SPINK5: variants seen among roughly 807,000 people sequenced by gnomAD.
The protein encoded by SPINK5 is serine peptidase inhibitor Kazal type 5, also known as serine protease inhibitor Kazal-type 5.
A neutral mutation model predicts 151.8 loss-of-function variants in SPINK5; 125 were observed. The ratio of observed to expected loss-of-function variants is 0.82; its 90% CI spans 0.71 to 0.96. SPINK5 has a LOEUF of 0.96. Ranked by LOEUF, SPINK5 falls within the 40% of genes least tolerant of loss-of-function variation. The pLI, the probability that SPINK5 is intolerant of heterozygous loss-of-function variation, is 0.00. For missense variants in SPINK5, 1,194 were observed against 1,291.9 expected, an observed-to-expected ratio of 0.92 and a Z score of 1.16; for synonymous variants, 374 against 395.3, an observed-to-expected ratio of 0.95 and a Z score of 0.64.
chr5:148,111,339 A>G (rs1192280985), intron 18 of SPINK5, among the ~76,000 whole-genome samples: 1 of 152,162 alleles, frequency 6.6e-6, no homozygotes, highest in Non-Finnish European at 1.5e-5. Flanking sequence ...ATGGCAATAC[A>G]GGATAATCTC....
Position 148,107,098 on chromosome 5 carries a change from A to G in SPINK5, c.1541A>G (p.His514Arg). The change falls in exon 17 of 33, where the codon CAT becomes CGT. Residue 514 changes from histidine (H) to arginine (R), a missense_variant. Coordinates refer to ENST00000256084, the MANE Select transcript of SPINK5 (RefSeq NM_006846.4). ...RNGTLICTRE[H>R]NPVRGPDGKM... ...GGAACACTTATATGCACCAGGGAGC[A>G]TAATCCTGTCCGTGGCCCAGATGGC... The G allele has an allele frequency of 6.2e-7, 1 of 1,613,512 alleles. No homozygotes were observed. Among genetic ancestry groups the G allele is most frequent in the Non-Finnish European group, 8.5e-7 (1 of 1,179,594 alleles).
Position 148,127,018 on chromosome 5 carries a change from A to G in SPINK5, c.2903A>G (p.Glu968Gly), listed in dbSNP as rs1402324518. Residue 968 changes from glutamate to glycine, a missense_variant, in exon 30 of 33, where the codon GAA becomes GGA. Glu to Gly is a moderately conservative substitution (Grantham distance 98). Transcript: ENST00000256084. ...TEALERAKLQ[E>G]KPSHVRASQE... is the part of the protein sequence containing the mutation. ...GCTTTGGAAAGGGCAAAGCTTCAAG[A>G]AAAGCCATCCCATGTTAGAGCTTCT... The G allele has an allele frequency of 1.1e-5, 18 of 1,613,762 alleles. No individual in the cohort carries two copies. The highest frequency in any genetic ancestry group is 1.5e-5 in the Non-Finnish European group (18 of 1,179,844).
chr5:148,066,036 T>C (rs1752575693), intron 2 of SPINK5, among the ~76,000 whole-genome samples: 1 of 152,040 alleles, frequency 6.6e-6, no homozygotes, highest in African/African-American at 2.4e-5. Context: ...GGAGGTGGTA[T>C]CCATTCTCAT....
chr5:148,118,857 C>A, intron 23 of SPINK5, 129 bp from the exon 24 acceptor site: 1 of 994,268 alleles, frequency 1.0e-6, no homozygotes, highest in South Asian at 1.4e-5. Context: ...TTTGTCACGG[C>A]CATTTGGAAT....
intron 32 of SPINK5, among the ~76,000 whole-genome samples, chr5:148,136,050 T>C (rs1337974218): frequency 6.6e-6 from 1 of 152,136 alleles, no homozygotes; most frequent in African/African-American, 2.4e-5. Context: ...CTGTCACTTA[T>C]TAAAGTCCCT....
At chr5:148,133,488 C>T (rs1014071019) in intron 31 of SPINK5, among the ~76,000 whole-genome samples, 2 of 152,134 alleles carry the variant, frequency 1.3e-5, no homozygotes, top group African/African-American at 4.8e-5. Flanking sequence ...ATCTGATTCT[C>T]GCATCTATAA....
chr5:148,094,244 A>G (rs1385450560), intron 8 of SPINK5, 110 bp from the exon 9 acceptor site: 5 of 1,233,564 alleles, frequency 4.1e-6, no homozygotes, highest in Non-Finnish European at 5.8e-6. Context: ...TCACTGAGCT[A>G]TGATCATTCC....
Position 148,089,581 on chromosome 5 carries a change from A to G in SPINK5, c.562A>G (p.Lys188Glu). The G allele has an allele frequency of 6.2e-7, 1 of 1,612,090 alleles. No individual in the cohort carries two copies. The highest frequency in any genetic ancestry group is 1.7e-4 in the Middle Eastern group (1 of 6,044). ...TGATCCTGTTCTTGGTCCTGATGGG[A>G]AGACGCATGGCAATAAGTGTGCAAT... Reference protein sequence around the residue: ...ENDPVLGPDGKTHGNKCAMCA... With the variant: ...ENDPVLGPDGETHGNKCAMCA... Residue 188 changes from lysine to glutamate, a missense_variant, in exon 7 of 33, where the codon AAG (lysine) becomes GAG (glutamate). Coordinates refer to ENST00000256084, the MANE Select transcript of SPINK5 (RefSeq NM_006846.4).
chr5:148,123,342 A>ATT (rs1264685805), intron 26 of SPINK5, among the ~76,000 whole-genome samples: 39 of 146,486 alleles, frequency 2.7e-4, no homozygotes, highest in East Asian at 3.9e-4. Flanking sequence ...ACAGAACAAG[A>ATT]TTATATATAT....
chr5:148,098,562 A>G (rs1308501168), intron 11 of SPINK5, among the ~76,000 whole-genome samples: 1 of 152,046 alleles, frequency 6.6e-6, no homozygotes, highest in Admixed American at 6.6e-5. Flanking sequence ...ATTGACAACT[A>G]CATATGGTTG....
intron 26 of SPINK5, 62 bp from the exon 27 acceptor site, chr5:148,123,771 A>G: frequency 1.9e-6 from 3 of 1,608,220 alleles, no homozygotes; most frequent in Non-Finnish European, 2.6e-6. Flanking sequence ...TCGGTCAATC[A>G]TGTTATCAGG....
intron 4 of SPINK5, among the ~76,000 whole-genome samples, chr5:148,082,672 A>G (rs1396906482): frequency 7.9e-5 from 1 of 12,718 alleles, no homozygotes; most frequent in Non-Finnish European, 1.1e-4. Context: ...GCAGTGGCGC[A>G]ATCTCGGCTC....
At chr5:148,130,716 T>A (rs1022399939) in intron 30 of SPINK5, among the ~76,000 whole-genome samples, 4 of 152,158 alleles carry the variant, frequency 2.6e-5, no homozygotes, top group African/African-American at 4.8e-5. Flanking sequence ...ACATGCATTA[T>A]CTGTTTTAAT....
intron 2 of SPINK5, among the ~76,000 whole-genome samples, chr5:148,068,037 C>T (rs921064348): frequency 6.6e-6 from 1 of 152,086 alleles, no homozygotes; most frequent in African/African-American, 2.4e-5. Context: ...ATTACAAAGA[C>T]CCCAGGCTCT....
Position 148,111,849 on chromosome 5 carries a change from G to C in SPINK5, c.1774G>C (p.Asp592His), listed in dbSNP as rs760761246. Reference sequence around the variant, plus strand: ...AGAGAATGATCCTATTGAGGGTCTAGATGGGAAAATCCACGGCAACACCTG... The same window carrying C: ...AGAGAATGATCCTATTGAGGGTCTACATGGGAAAATCCACGGCAACACCTG... ...TRENDPIEGL[D>H]GKIHGNTCSM... Residue 592 changes from aspartate (D) to histidine (H), a missense_variant, in exon 19 of 33, where the codon GAT (aspartate) becomes CAT (histidine). Transcript: ENST00000256084. 31 of 1,613,954 alleles carry C rather than the reference G, an allele frequency of 1.9e-5. No individual in the cohort carries two copies. The highest frequency in any genetic ancestry group is 1.6e-4 in the Middle Eastern group (1 of 6,080).
intron 8 of SPINK5, among the ~76,000 whole-genome samples, chr5:148,093,823 CTT>C (rs931250003): frequency 5.9e-5 from 9 of 151,844 alleles, no homozygotes; most frequent in African/African-American, 2.2e-4. Context: ...TGTTTTTTAT[CTT>C]TTAATAAACC....
intron 22 of SPINK5, 150 bp downstream of exon 22, chr5:148,116,616 A>G: frequency 2.6e-6 from 2 of 770,940 alleles, no homozygotes; most frequent in Non-Finnish European, 2.2e-6. Flanking sequence ...GTAAGATATC[A>G]GCACATTTTC....
intron 11 of SPINK5, among the ~76,000 whole-genome samples, chr5:148,098,676 T>TTC (rs1554104338): frequency 8.6e-5 from 13 of 151,270 alleles, no homozygotes; most frequent in African/African-American, 1.2e-4. Flanking sequence ...GTTTTTTTTT[T>TTC]CACATCTTGT....
Position 148,070,407 on chromosome 5 carries a change from G to T in SPINK5, c.166G>T (p.Gly56Ter). Reference sequence around the variant, plus strand: ...TAAGAAATTTTTTCAAAGTCTTGATGGAATAATGTTCATCAATAAATGTGC... The same window carrying T: ...TAAGAAATTTTTTCAAAGTCTTGATTGAATAATGTTCATCAATAAATGTGC... ...QDKKFFQSLD[G>*]IMFINKCATC... The change falls in exon 3 of 33, where the codon GGA becomes TGA. Residue 56 changes from glycine (G) to a stop codon, truncating the protein, a stop_gained. Transcript: ENST00000256084. LOFTEE classifies it high-confidence loss of function. 6.2e-7 allele frequency: 1 copy of T among 1,612,758 alleles called. No homozygotes were observed. Among genetic ancestry groups the T allele is most frequent in the South Asian group, 1.1e-5 (1 of 91,040 alleles).
Sources: allele counts gnomAD v4.1 joint callset (sites outside exome capture counted in the v4.1 genomes callset), GRCh38; gene constraint gnomAD v4.1.1; transcripts MANE v1.5; gene names NCBI Gene and HGNC (gene_info 2026-07-23, HGNC 2026-07-21).